KMT2E: variants seen among roughly 807,000 people sequenced by gnomAD.
KMT2E encodes lysine methyltransferase 2E (inactive).
Under a neutral mutation model 184.6 loss-of-function variants are expected in KMT2E, and 30 were observed. The ratio of observed to expected loss-of-function variants is 0.16; its 90% confidence interval spans 0.12 to 0.22. The LOEUF (loss-of-function observed/expected upper bound fraction) is 0.22. KMT2E is among the 10% of genes least tolerant of loss of function. The pLI, the probability that KMT2E is intolerant of heterozygous loss-of-function variation, is 1.00. For synonymous variants in KMT2E, 815 were observed against 776.5 expected (o/e 1.05, Z -0.82); for missense variants, 2,023 against 2,237.4 (o/e 0.90, Z 1.93).
intron 6 of KMT2E, among the ~76,000 whole-genome samples, chr7:105,072,247 G>A (rs1213438404): frequency 6.6e-6 from 1 of 152,204 alleles, no homozygotes; most frequent in Non-Finnish European, 1.5e-5. Flanking sequence ...GAACCTGGGA[G>A]TTGGAGCTTG....
chr7:105,111,798 T>A (rs1799301539), intron 26 of KMT2E, 27 bp from the exon 27 acceptor site: 5 of 1,576,088 alleles, frequency 3.2e-6, no homozygotes, highest in East Asian at 4.5e-5. Flanking sequence ...GTTCCTTGAA[T>A]GTATATAATT....
At chr7:105,020,754 G>T (rs1562872641) in intron 1 of KMT2E, among the ~76,000 whole-genome samples, 2 of 152,020 alleles carry the variant, frequency 1.3e-5, no homozygotes, top group Non-Finnish European at 2.9e-5. Flanking sequence ...ACTTATTTGA[G>T]TTAAATAAGC....
chr7:105,063,124 G>T (rs1796889425), intron 4 of KMT2E, among the ~76,000 whole-genome samples: 1 of 151,154 alleles, frequency 6.6e-6, no homozygotes, highest in African/African-American at 2.4e-5. Context: ...ATGAAATTTG[G>T]ATGTGAATGT....
Position 105,109,245 on chromosome 7 carries a change from G to A in KMT2E, c.3755+17G>A. On this transcript the variant is annotated intron_variant, in intron 23 of 26. Coordinates refer to ENST00000311117, the MANE Select transcript of KMT2E (RefSeq NM_182931.3). Reference sequence around the variant, plus strand: ...AGTTCAATGGTAAGCCCATTGTGAAGTATGCTACTCTGGAAAAAACAAGCT... The same window carrying A: ...AGTTCAATGGTAAGCCCATTGTGAAATATGCTACTCTGGAAAAAACAAGCT... 6.2e-7 allele frequency: 1 copy of A among 1,609,822 alleles called. No homozygotes were observed. Among genetic ancestry groups the A allele is most frequent in the Non-Finnish European group, 8.5e-7 (1 of 1,177,460 alleles).
intron 6 of KMT2E, among the ~76,000 whole-genome samples, chr7:105,068,755 G>A (rs62486623): frequency 0.065 from 9,836 of 151,100 alleles, 350 homozygotes; most frequent in Middle Eastern, 0.1. Flanking sequence ...GATTACAGGC[G>A]AGAGCCACCT....
intron 3 of KMT2E, among the ~76,000 whole-genome samples, chr7:105,055,926 TA>T (rs1270823511): frequency 6.6e-6 from 1 of 151,956 alleles, no homozygotes; most frequent in African/African-American, 2.4e-5. Flanking sequence ...TTTTTTTTTT[TA>T]TTTCCAGCAT....
At position 105,082,439 on chromosome 7, in the gene KMT2E, T is replaced by G. The variant is rs187289913; in HGVS notation, c.1358+642T>G. On this transcript the variant is annotated intron_variant, in intron 13 of 26. Transcript: ENST00000311117. ...ACAATTAACACATATTCTGTATGTC[T>G]TATACTGTATTCTTACAATAAAGTA... 5.9e-4 allele frequency among the ~76,000 whole-genome samples: 90 copies of G among 152,320 alleles called. 1 individual carries two copies. The East Asian group carries it at 0.015, about 25-fold the overall frequency.
chr7:105,094,431 A>G (rs977779150), intron 15 of KMT2E, among the ~76,000 whole-genome samples: 4 of 152,120 alleles, frequency 2.6e-5, no homozygotes, highest in Non-Finnish European at 5.9e-5. Context: ...AGGACCAGAA[A>G]TTTTCCAGGA....
intron 11 of KMT2E, 167 bp downstream of exon 11, chr7:105,077,600 G>C (rs1007708430): frequency 1.7e-6 from 1 of 574,144 alleles, no homozygotes; most frequent in Non-Finnish European, 3.0e-6. Context: ...TTTGAACTAC[G>C]ATAAACTAAA....
intron 9 of KMT2E, among the ~76,000 whole-genome samples, chr7:105,076,508 A>G (rs1797531497): frequency 6.6e-6 from 1 of 152,236 alleles, no homozygotes; most frequent in Admixed American, 6.5e-5. Context: ...AACCATATCA[A>G]TACAAACCAG....
chr7:105,107,648 A>C lies in KMT2E; in HGVS notation c.3191A>C (p.Tyr1064Ser). ...ACTCACTCTGGACGGGGCACAATGT[A>C]TTCTTCCTGGGTAAAGAGCCCTGAC... ...DSTHSGRGTM[Y>S]SSWVKSPDRT... Residue 1064 changes from tyrosine to serine, a missense_variant, in exon 22 of 27, where the codon TAT (tyrosine) becomes TCT (serine). Coordinates refer to ENST00000311117, the MANE Select transcript of KMT2E (RefSeq NM_182931.3). 6.2e-7 allele frequency: 1 copy of C among 1,614,188 alleles called. No homozygotes were observed. The highest frequency in any genetic ancestry group is 8.5e-7 in the Non-Finnish European group (1 of 1,180,026).
chr7:105,111,033 C>G (rs1799229628), intron 26 of KMT2E, 165 bp downstream of exon 26: 3 of 602,650 alleles, frequency 5.0e-6, no homozygotes, highest in Non-Finnish European at 8.8e-6. Context: ...ACTGTTTGTT[C>G]TTCTTACTGA....
chr7:105,020,253 C>T (rs1794895065), intron 1 of KMT2E, among the ~76,000 whole-genome samples: 1 of 152,016 alleles, frequency 6.6e-6, no homozygotes, highest in Non-Finnish European at 1.5e-5. Context: ...GTCTAGCATA[C>T]GATAGTGGAT....
intron 6 of KMT2E, among the ~76,000 whole-genome samples, chr7:105,070,875 A>G (rs1244624035): frequency 6.6e-6 from 1 of 152,132 alleles, no homozygotes; most frequent in Non-Finnish European, 1.5e-5. Context: ...TAATTATGTA[A>G]GAAGTATTCT....
chr7:105,020,188 G>A (rs1167296950), intron 1 of KMT2E, among the ~76,000 whole-genome samples: 1 of 151,786 alleles, frequency 6.6e-6, no homozygotes, highest in Non-Finnish European at 1.5e-5. Context: ...AGATGATATT[G>A]TGTAATCACA....
At chr7:105,069,435 C>T (rs540474219) in intron 6 of KMT2E, among the ~76,000 whole-genome samples, 3 of 152,326 alleles carry the variant, frequency 2.0e-5, no homozygotes, top group South Asian at 4.1e-4. Context: ...ACCAGCAACA[C>T]TAGCACCAAC....
intron 1 of KMT2E, among the ~76,000 whole-genome samples, chr7:105,022,965 A>G: frequency 6.6e-6 from 1 of 152,202 alleles, no homozygotes; most frequent in Non-Finnish European, 1.5e-5. Flanking sequence ...TAGTATATGT[A>G]TAATATTCCT....
At chr7:105,099,247 A>G (rs748596011) in intron 15 of KMT2E, among the ~76,000 whole-genome samples, 7 of 152,212 alleles carry the variant, frequency 4.6e-5, no homozygotes, top group Non-Finnish European at 8.8e-5. Context: ...GTAATGTAGG[A>G]AGAGTTTTGC....
chr7:105,052,173 T>A (rs949756624), intron 3 of KMT2E, among the ~76,000 whole-genome samples: 1 of 152,216 alleles, frequency 6.6e-6, no homozygotes, highest in Non-Finnish European at 1.5e-5. Context: ...ACTATTCTCT[T>A]ATCTCACTAT....
Sources: gnomAD v4.1 joint callset for allele counts (sites outside exome capture counted in the v4.1 genomes callset) on GRCh38, gnomAD v4.1.1 for gene constraint, MANE v1.5 for transcripts, NCBI Gene and HGNC (gene_info 2026-07-23, HGNC 2026-07-21) for gene names.